The following WWOX variants were observed in gnomAD, a reference collection of about 807,000 sequenced individuals.
WWOX encodes WW domain containing oxidoreductase, also known as WW domain-containing oxidoreductase.
A neutral mutation model predicts 46.2 loss-of-function variants in WWOX; 69 were observed. That is an observed-to-expected ratio of 1.49 (90% confidence interval 1.23 to 1.82). The LOEUF (loss-of-function observed/expected upper bound fraction) is 1.82. Among genes scored for constraint, WWOX ranks in the 40% most tolerant of loss-of-function variants. The probability of loss-of-function intolerance (pLI) is 0.00; values close to 1 mark genes in which losing one functional copy is unlikely to be tolerated. For synonymous variants in WWOX, 359 were observed against 202.6 expected (o/e 1.77, Z -6.56); for missense variants, 919 against 542.6 (o/e 1.69, Z -6.89).
chr16:78,410,011 G>C (rs550769237), intron 6 of WWOX, among the ~76,000 whole-genome samples: 62 of 152,360 alleles, frequency 4.1e-4, no homozygotes, highest in Non-Finnish European at 6.0e-4. Flanking sequence ...GGCGGTGGGT[G>C]TGCTGGGAGG....
intron 8 of WWOX, among the ~76,000 whole-genome samples, chr16:78,675,067 G>A (rs1159602781): frequency 6.6e-6 from 1 of 152,206 alleles, no homozygotes; most frequent in Non-Finnish European, 1.5e-5. Flanking sequence ...AATGGTACAT[G>A]TGAGTCTTTG....
At chr16:78,694,889 C>T (rs2048067071) in intron 8 of WWOX, among the ~76,000 whole-genome samples, 1 of 152,062 alleles carries the variant, frequency 6.6e-6, no homozygotes, top group Admixed American at 6.6e-5. Flanking sequence ...TTCTAAATGG[C>T]CTACTTAAAC....
chr16:78,992,311 A>G (rs1159623011), intron 8 of WWOX, among the ~76,000 whole-genome samples: 1 of 151,962 alleles, frequency 6.6e-6, no homozygotes, highest in Non-Finnish European at 1.5e-5. Flanking sequence ...AAAAATACAA[A>G]AAAAAATTAG....
chr16:78,912,314 T>A (rs1472753), intron 8 of WWOX, among the ~76,000 whole-genome samples: 2 of 151,902 alleles, frequency 1.3e-5, no homozygotes, highest in Non-Finnish European at 2.9e-5. Context: ...ATGCACCTTA[T>A]GTGTGTTATT....
chr16:78,165,570 C>T (rs1299517379), intron 5 of WWOX, among the ~76,000 whole-genome samples: 2 of 151,816 alleles, frequency 1.3e-5, no homozygotes, highest in Non-Finnish European at 2.9e-5. Flanking sequence ...GTGCAGAGGC[C>T]CTGGGAGGAG....
intron 8 of WWOX, among the ~76,000 whole-genome samples, chr16:78,448,530 TG>T (rs547859883): frequency 5.1e-4 from 78 of 152,196 alleles, no homozygotes; most frequent in African/African-American, 1.7e-3. Flanking sequence ...CTTATCCTGT[TG>T]GGTGTCATGA....
At chr16:78,619,989 C>A (rs565801478) in intron 8 of WWOX, among the ~76,000 whole-genome samples, 18 of 152,154 alleles carry the variant, frequency 1.2e-4, no homozygotes, top group African/African-American at 7.2e-5. Context: ...GTGCACTACT[C>A]CTGATTAACC....
At chr16:78,405,683 A>G (rs2082511440) in intron 6 of WWOX, among the ~76,000 whole-genome samples, 1 of 152,230 alleles carries the variant, frequency 6.6e-6, no homozygotes, top group African/African-American at 2.4e-5. Flanking sequence ...TGAGCATTTG[A>G]GAAAACAGGA....
chr16:79,178,749 T>C (rs2050852405), intron 8 of WWOX, among the ~76,000 whole-genome samples: 2 of 152,232 alleles, frequency 1.3e-5, no homozygotes, highest in South Asian at 4.1e-4. Flanking sequence ...TGGGAGAATA[T>C]TACCAAAAAC....
At chr16:78,463,753 C>G (rs1162191692) in intron 8 of WWOX, among the ~76,000 whole-genome samples, 1 of 152,136 alleles carries the variant, frequency 6.6e-6, no homozygotes, top group African/African-American at 2.4e-5. Flanking sequence ...TTACTTCATC[C>G]CAGGGCTGAT....
intron 8 of WWOX, among the ~76,000 whole-genome samples, chr16:78,547,590 G>A (rs951600823): frequency 2.0e-5 from 3 of 152,130 alleles, no homozygotes; most frequent in African/African-American, 7.2e-5. Flanking sequence ...TAAACTAGGT[G>A]GCTTATAAAC....
rs577860346 is a variant in WWOX at position 78,488,622 on chromosome 16, A to G, written c.1056+55870A>G. Among the ~76,000 whole-genome samples, 376 of 152,170 alleles carry G rather than the reference A, an allele frequency of 2.5e-3. 2 individuals are homozygous for G. The highest frequency in any genetic ancestry group is 7.5e-3 in the African/African-American group (310 of 41,526). On this transcript the variant is annotated intron_variant, in intron 8 of 8. Transcript: ENST00000566780. Reference sequence around the variant, plus strand: ...ACCGTGGAGCTGCTTGTGATATACAATGTCAGTGCTCTGAGCTCATTAGGC... The same window carrying G: ...ACCGTGGAGCTGCTTGTGATATACAGTGTCAGTGCTCTGAGCTCATTAGGC...
At chr16:79,083,067 A>G (rs1311499635) in intron 8 of WWOX, among the ~76,000 whole-genome samples, 1 of 152,110 alleles carries the variant, frequency 6.6e-6, no homozygotes, top group African/African-American at 2.4e-5. Flanking sequence ...TTTCATCTTC[A>G]CTGTAAATCT....
rs368083181 is a variant in WWOX, at chr16:78,493,688, C to T, written c.1056+60936C>T. Among the ~76,000 whole-genome samples, 104 of 152,234 alleles carry T rather than the reference C, an allele frequency of 6.8e-4. 1 individual carries two copies. Among genetic ancestry groups the T allele is most frequent in the African/African-American group, 2.4e-3 (101 of 41,534 alleles). On this transcript the variant is annotated intron_variant, in intron 8 of 8. Coordinates refer to ENST00000566780, the MANE Select transcript of WWOX (RefSeq NM_016373.4). ...AAGCGTATAATCCACAGCACTCCTT[C>T]TGAATACGTTACGTAAATGGAACCC...
intron 8 of WWOX, among the ~76,000 whole-genome samples, chr16:78,740,290 T>A (rs2049186656): frequency 6.6e-6 from 1 of 152,234 alleles, no homozygotes; most frequent in Admixed American, 6.5e-5. Context: ...CACTGTCCTC[T>A]GTGCTTCTAA....
chr16:78,470,321 G>A (rs1176133387), intron 8 of WWOX, among the ~76,000 whole-genome samples: 1 of 152,116 alleles, frequency 6.6e-6, no homozygotes, highest in African/African-American at 2.4e-5. Context: ...GAAGATGCGG[G>A]GCATAGTACA....
intron 8 of WWOX, among the ~76,000 whole-genome samples, chr16:78,680,602 C>T (rs1319134412): frequency 6.6e-6 from 1 of 152,168 alleles, no homozygotes; most frequent in Non-Finnish European, 1.5e-5. Flanking sequence ...CACGTGGGGC[C>T]ATTTCAAGCT....
chr16:79,130,781 G>A (rs561799037), intron 8 of WWOX, among the ~76,000 whole-genome samples: 3 of 152,260 alleles, frequency 2.0e-5, no homozygotes, highest in East Asian at 3.9e-4. Flanking sequence ...TCATCTTGTT[G>A]GGCTGTGATC....
At chr16:78,400,639 A>G (rs1242542001) in intron 6 of WWOX, among the ~76,000 whole-genome samples, 1 of 151,956 alleles carries the variant, frequency 6.6e-6, no homozygotes, top group East Asian at 1.9e-4. Context: ...GGGAGGGAGG[A>G]AAAGGGGGAA....
Sources: gnomAD v4.1 joint callset for allele counts (sites outside exome capture counted in the v4.1 genomes callset) on GRCh38, gnomAD v4.1.1 for gene constraint, MANE v1.5 for transcripts, NCBI Gene and HGNC (gene_info 2026-07-23, HGNC 2026-07-21) for gene names.